Variants in CDH1 observed in about 807,000 individuals in gnomAD.
CDH1 encodes cadherin 1, also known as cadherin-1.
A neutral mutation model predicts 84.5 loss-of-function variants in CDH1; 35 were observed. That is an observed-to-expected ratio of 0.41 (90% CI 0.32 to 0.55). CDH1 has a LOEUF of 0.55. CDH1 is among the 20% of genes least tolerant of loss of function. CDH1 has a pLI of 0.19. For missense variants in CDH1, 994 were observed against 1,126.6 expected (o/e 0.88, Z 1.68); for synonymous variants, 417 against 439.0 (o/e 0.95, Z 0.63).
At chr16:68,823,083 AC>A in intron 12 of CDH1, 1 of 326,534 alleles carries the variant, frequency 3.1e-6, no homozygotes, top group Non-Finnish European at 5.7e-6. Context: ...AAAAAGGTTC[AC>A]CCTCAGGCAC....
At chr16:68,747,750 T>TTC (rs10638856) in intron 2 of CDH1, among the ~76,000 whole-genome samples, 9 of 150,768 alleles carry the variant, frequency 6.0e-5, no homozygotes, top group East Asian at 1.9e-4. Flanking sequence ...TATCTGTATG[T>TTC]TCTCTCTCTC....
At chr16:68,813,028 C>T (rs1277845366) in intron 8 of CDH1, among the ~76,000 whole-genome samples, 1 of 152,016 alleles carries the variant, frequency 6.6e-6, no homozygotes, top group Non-Finnish European at 1.5e-5. Context: ...CATTGCCTGG[C>T]CTCTCCTTGT....
At chr16:68,753,675 T>G (rs1962943899) in intron 2 of CDH1, among the ~76,000 whole-genome samples, 1 of 152,158 alleles carries the variant, frequency 6.6e-6, no homozygotes, top group Non-Finnish European at 1.5e-5. Context: ...CTGTCCTGCC[T>G]TCAGCAGGGT....
chr16:68,781,304 C>T (rs944508874), intron 2 of CDH1, among the ~76,000 whole-genome samples: 8 of 152,164 alleles, frequency 5.3e-5, no homozygotes, highest in African/African-American at 1.7e-4. Flanking sequence ...TCCACACACC[C>T]GCAGCACTCA....
At chr16:68,753,135 C>A in intron 2 of CDH1, among the ~76,000 whole-genome samples, 1 of 142,690 alleles carries the variant, frequency 7.0e-6, no homozygotes, top group African/African-American at 2.6e-5. Context: ...ATCTCTTGAA[C>A]CTGGGAGGTG....
intron 6 of CDH1, among the ~76,000 whole-genome samples, chr16:68,811,396 CAAAAA>C (rs1158343325): frequency 6.4e-5 from 5 of 77,764 alleles, no homozygotes; most frequent in African/African-American, 1.2e-4. Flanking sequence ...AACTCCGTCT[CAAAAA>C]AAAAAAAAAA....
intron 2 of CDH1, among the ~76,000 whole-genome samples, chr16:68,768,107 C>T (rs1220249222): frequency 3.9e-5 from 6 of 152,160 alleles, no homozygotes; most frequent in African/African-American, 1.4e-4. Context: ...TCACCACACC[C>T]AGCTAATTTT....
intron 3 of CDH1, 74 bp downstream of exon 3, chr16:68,801,967 A>G (rs1960529929): frequency 1.5e-5 from 19 of 1,245,396 alleles, no homozygotes; most frequent in Non-Finnish European, 1.9e-5. Flanking sequence ...CAGCCTTGGT[A>G]CCGTTGACAT....
At chr16:68,763,479 G>A (rs2055444799) in intron 2 of CDH1, 1 of 152,324 alleles carries the variant, frequency 6.6e-6, no homozygotes. Context: ...GGTTTAGAGA[G>A]AGGAACAGCC....
chr16:68,782,308 G>C (rs1200668843), intron 2 of CDH1, among the ~76,000 whole-genome samples: 2 of 152,166 alleles, frequency 1.3e-5, no homozygotes, highest in Admixed American at 6.5e-5. Flanking sequence ...CCCACCTTGG[G>C]GGCACTGCCT....
At chr16:68,758,689 G>A (rs377475672) in intron 2 of CDH1, among the ~76,000 whole-genome samples, 18 of 150,986 alleles carry the variant, frequency 1.2e-4, no homozygotes, top group East Asian at 1.2e-3. Flanking sequence ...GGCGGGTAGT[G>A]TAAGTGTCAA....
At chr16:68,796,168 A>C (rs1439970399) in intron 2 of CDH1, among the ~76,000 whole-genome samples, 1 of 151,800 alleles carries the variant, frequency 6.6e-6, no homozygotes, top group African/African-American at 2.4e-5. Flanking sequence ...GTCTTTAAAA[A>C]CAAAAAAAAA....
At chr16:68,777,319 CAT>C (rs1311680741) in intron 2 of CDH1, among the ~76,000 whole-genome samples, 7 of 152,196 alleles carry the variant, frequency 4.6e-5, no homozygotes, top group Non-Finnish European at 8.8e-5. Context: ...ACTCAACCCT[CAT>C]ATGCCTCAGT....
intron 2 of CDH1, among the ~76,000 whole-genome samples, chr16:68,751,049 G>A (rs1051443194): frequency 1.3e-5 from 2 of 152,014 alleles, no homozygotes; most frequent in Admixed American, 1.3e-4. Context: ...CTTCATTGTC[G>A]CAGCAGCTTC....
chr16:68,764,150 C>G (rs143760015), intron 2 of CDH1, among the ~76,000 whole-genome samples: 2 of 152,234 alleles, frequency 1.3e-5, no homozygotes, highest in African/African-American at 4.8e-5. Context: ...TGAAGCTACC[C>G]GAAGTTGTAG....
chr16:68,818,849 C>CA (rs758115524), intron 10 of CDH1, among the ~76,000 whole-genome samples: 12,175 of 72,060 alleles, frequency 0.17, 942 homozygotes, highest in African/African-American at 0.19. Flanking sequence ...GACTCCGTCT[C>CA]AAAAAAAAAA....
chr16:68,762,631 G>A (rs1053529216), intron 2 of CDH1, among the ~76,000 whole-genome samples: 18 of 152,062 alleles, frequency 1.2e-4, no homozygotes, highest in Non-Finnish European at 1.2e-4. Context: ...AACACAGGCC[G>A]GGCATGGTGG....
intron 2 of CDH1, among the ~76,000 whole-genome samples, chr16:68,756,312 T>C (rs963468032): frequency 6.6e-6 from 1 of 152,072 alleles, no homozygotes; most frequent in African/African-American, 2.4e-5. Context: ...GGCTTTCCTA[T>C]TGGAAAACAT....
intron 2 of CDH1, among the ~76,000 whole-genome samples, chr16:68,758,206 T>C (rs1432768233): frequency 7.1e-6 from 1 of 140,168 alleles, no homozygotes; most frequent in Non-Finnish European, 1.5e-5. Flanking sequence ...TCTTTTTATT[T>C]CTTTTTTTTT....
Sources: gnomAD v4.1 joint callset for allele counts (sites outside exome capture counted in the v4.1 genomes callset) on GRCh38, gnomAD v4.1.1 for gene constraint, MANE v1.5 for transcripts, NCBI Gene and HGNC (gene_info 2026-07-23, HGNC 2026-07-21) for gene names.